The following ATP8B1 variants were observed in gnomAD, a reference collection of about 807,000 sequenced individuals.
The protein encoded by ATP8B1 is phospholipid-transporting ATPase IC.
A neutral mutation model predicts 149.9 loss-of-function variants in ATP8B1; 80 were observed. The observed-to-expected ratio is 0.53, with a 90% CI of 0.45 to 0.64. ATP8B1 has a LOEUF of 0.64. Ranked by LOEUF, ATP8B1 falls within the 30% of genes least tolerant of loss-of-function variation. The probability of loss-of-function intolerance (pLI) is 0.00; values close to 1 mark genes in which losing one functional copy is unlikely to be tolerated. For missense variants in ATP8B1, 1,247 were observed against 1,552.6 expected (o/e 0.80, Z 3.31); for synonymous variants, 536 against 562.8 (o/e 0.95, Z 0.67).
intron 2 of ATP8B1, among the ~76,000 whole-genome samples, chr18:57,719,745 G>C (rs1229171923): frequency 6.6e-6 from 1 of 152,210 alleles, no homozygotes; most frequent in Admixed American, 6.5e-5. Context: ...GCTCGAACTG[G>C]GTGGAGCCCA....
chr18:57,695,416 AT>A, intron 9 of ATP8B1, 33 bp downstream of exon 9: 1 of 1,600,204 alleles, frequency 6.2e-7, no homozygotes, highest in Non-Finnish European at 8.6e-7. Context: ...AGCAACTAAA[AT>A]TTAAAGCAAA....
intron 15 of ATP8B1, among the ~76,000 whole-genome samples, chr18:57,677,516 G>A (rs560769548): frequency 1.9e-4 from 22 of 116,370 alleles, no homozygotes; most frequent in African/African-American, 6.6e-4. Flanking sequence ...AATGGTTGGT[G>A]CTCTGGGGTA....
intron 1 of ATP8B1, among the ~76,000 whole-genome samples, chr18:57,796,756 A>G (rs927469254): frequency 5.3e-5 from 8 of 152,244 alleles, no homozygotes; most frequent in Non-Finnish European, 7.4e-5. Context: ...GTGCAATCTC[A>G]GCTCACTGCA....
chr18:57,742,491 C>T (rs1472317669), intron 1 of ATP8B1, among the ~76,000 whole-genome samples: 3 of 151,460 alleles, frequency 2.0e-5, no homozygotes, highest in Non-Finnish European at 4.4e-5. Context: ...TCCACAGCTT[C>T]ACCCCCTATT....
chr18:57,732,215 G>GTGTATATA lies in ATP8B1; in HGVS notation c.-25-391_-25-384dup, dbSNP rs1289677353. ...TATATATGTGTATATATGTATATAT[G>GTGTATATA]TGTATATATGTATATATGTGTATAT... On this transcript the variant is annotated intron_variant, in intron 1 of 27. Transcript: ENST00000648908. 2.0e-4 allele frequency among the ~76,000 whole-genome samples: 8 copies of GTGTATATA among 40,668 alleles called. 2 individuals carry two copies. Among genetic ancestry groups the GTGTATATA allele is most frequent in the Admixed American group, 4.2e-4 (1 of 2,364 alleles). The allele number at this position is 40,668 out of a possible 152,430, so 26.7% of individuals were successfully genotyped here.
chr18:57,648,535 T>C lies in ATP8B1; in HGVS notation c.3709A>G (p.Ile1237Val), dbSNP rs1909339310. 1.2e-6 allele frequency: 2 copies of C among 1,611,566 alleles called. No homozygotes were observed. Among genetic ancestry groups the C allele is most frequent in the African/African-American group, 1.3e-5 (1 of 75,000 alleles). ...TACTCCGCGGTGCCATCCGCCACGATGGCATCAAGCGGCGAGCGCTTCTTG... is the reference window on the plus strand; with the variant it reads ...TACTCCGCGGTGCCATCCGCCACGACGGCATCAAGCGGCGAGCGCTTCTTG... ...IRKKRSPLDA[I>V]VADGTAEYRR... Residue 1237 changes from isoleucine (I) to valine (V), a missense_variant, in exon 28 of 28, where the codon ATC becomes GTC. Transcript: ENST00000648908.
chr18:57,652,663 A>C lies in ATP8B1; in HGVS notation c.3082T>G (p.Phe1028Val). 6.2e-7 allele frequency: 1 copy of C among 1,614,142 alleles called. No individual in the cohort carries two copies. Among genetic ancestry groups the C allele is most frequent in the Non-Finnish European group, 8.5e-7 (1 of 1,179,994 alleles). Residue 1028 changes from phenylalanine to valine, a missense_variant, in exon 25 of 28, where the codon TTC becomes GTC. Transcript: ENST00000648908. ...CTTACAAAGAATCTCTTATAGTTGAATAGTAAGTCTCTTTGTCCCACTATG... is the reference window on the plus strand; with the variant it reads ...CTTACAAAGAATCTCTTATAGTTGACTAGTAAGTCTCTTTGTCCCACTATG... ...LYIVGQRDLL[F>V]NYKRFFVSLL...
chr18:57,719,611 G>A (rs371691187), intron 2 of ATP8B1, among the ~76,000 whole-genome samples: 10 of 152,148 alleles, frequency 6.6e-5, no homozygotes, highest in Admixed American at 3.9e-4. Context: ...AGGGTCCTAC[G>A]CCCACGGAAT....
intron 4 of ATP8B1, 99 bp downstream of exon 4, chr18:57,704,456 T>C: frequency 1.2e-6 from 1 of 855,028 alleles, no homozygotes. Context: ...GATGCTAATA[T>C]AAAACACTTT....
intron 20 of ATP8B1, among the ~76,000 whole-genome samples, chr18:57,664,095 C>T (rs1289827789): frequency 1.4e-5 from 2 of 143,972 alleles, no homozygotes; most frequent in Non-Finnish European, 3.0e-5. Flanking sequence ...TTTAACTGAG[C>T]GACATGTAAT....
In ATP8B1 at chr18:57,662,512, G is replaced by C. The variant is rs749542887; in HGVS notation, c.2389C>G (p.Arg797Gly). The change falls in exon 21 of 28, where the codon CGT (arginine) becomes GGT (glycine). Residue 797 changes from arginine (R) to glycine (G), a missense_variant. By Grantham distance (125) the Arg-to-Gly change is moderately radical. This residue lies in a region of ATP8B1 where 853 missense variants were observed against 1,035.7 expected (regional missense o/e 0.82). Coordinates refer to ENST00000648908, the MANE Select transcript of ATP8B1 (RefSeq NM_001374385.1). ...CAAGAACCAGTGATGATTAAGGCAC[G>C]GTTTCCACCGGGTGGAAAAAAAGAT... is the stretch of plus-strand genomic sequence containing the variant. ...QESFFPPGGN[R>G]ALIITGSWLN... 6.2e-7 allele frequency: 1 copy of C among 1,614,076 alleles called. No individual in the cohort carries two copies. Among genetic ancestry groups the C allele is most frequent in the Admixed American group, 1.7e-5 (1 of 60,002 alleles).
chr18:57,736,174 G>A (rs1409245338), intron 1 of ATP8B1, among the ~76,000 whole-genome samples: 1 of 152,036 alleles, frequency 6.6e-6, no homozygotes, highest in East Asian at 1.9e-4. Flanking sequence ...TATGGCTGCA[G>A]GGATTATTTG....
intron 1 of ATP8B1, among the ~76,000 whole-genome samples, chr18:57,760,964 G>A (rs557615191): frequency 1.3e-5 from 2 of 150,440 alleles, no homozygotes; most frequent in South Asian, 4.2e-4. Flanking sequence ...CCTCCAGCCT[G>A]GGCAACAGAG....
At chr18:57,744,498 T>C (rs564727028) in intron 1 of ATP8B1, among the ~76,000 whole-genome samples, 2 of 152,106 alleles carry the variant, frequency 1.3e-5, no homozygotes, top group Non-Finnish European at 2.9e-5. Context: ...CAGATGTTTA[T>C]TTTGGAGACT....
chr18:57,778,370 C>T (rs1402528544), intron 1 of ATP8B1, among the ~76,000 whole-genome samples: 4 of 151,340 alleles, frequency 2.6e-5, no homozygotes, highest in Non-Finnish European at 4.4e-5. Context: ...GGACTACAGG[C>T]GCCCGCCGCT....
chr18:57,703,169 G>T (rs965144244), intron 4 of ATP8B1, among the ~76,000 whole-genome samples: 1 of 151,542 alleles, frequency 6.6e-6, no homozygotes, highest in Admixed American at 6.6e-5. Flanking sequence ...TCCTCTCCAC[G>T]CATCCTCCAT....
At chr18:57,754,764 A>G (rs928914128) in intron 1 of ATP8B1, among the ~76,000 whole-genome samples, 1 of 152,164 alleles carries the variant, frequency 6.6e-6, no homozygotes, top group Non-Finnish European at 1.5e-5. Context: ...ATAGCAAGGG[A>G]AATACCTAAC....
chr18:57,663,494 T>C (rs1910636677), intron 20 of ATP8B1, among the ~76,000 whole-genome samples: 2 of 152,210 alleles, frequency 1.3e-5, no homozygotes, highest in African/African-American at 4.8e-5. Context: ...TTGAAATTTT[T>C]TGAAACATCA....
At chr18:57,713,187 CTTTCTTTCT>C (rs1913783388) in intron 2 of ATP8B1, among the ~76,000 whole-genome samples, 10 of 98,366 alleles carry the variant, frequency 1.0e-4, no homozygotes, top group Non-Finnish European at 1.2e-4. Flanking sequence ...TTCTTTCTTT[CTTTCTTTCT>C]TTCCTTCCTT....
Sources: gnomAD v4.1 joint callset for allele counts (sites outside exome capture counted in the v4.1 genomes callset) on GRCh38, gnomAD v4.1.1 for gene constraint, gnomAD v4.1.1 regional missense constraint, MANE v1.5 for transcripts, NCBI Gene and HGNC (gene_info 2026-07-23, HGNC 2026-07-21) for gene names.